The following PLXDC2 variants were observed in gnomAD, a reference collection of about 807,000 sequenced individuals.
PLXDC2 encodes the protein plexin domain-containing protein 2.
Under a neutral mutation model 68.9 loss-of-function variants are expected in PLXDC2, and 40 were observed. The ratio of observed to expected loss-of-function variants is 0.58; its 90% CI spans 0.45 to 0.76. The LOEUF (loss-of-function observed/expected upper bound fraction) is 0.76, where lower values mean the gene tolerates loss of function less well. PLXDC2 is among the 30% of genes least tolerant of loss of function. The probability of loss-of-function intolerance (pLI) is 0.00; values close to 1 mark genes in which losing one functional copy is unlikely to be tolerated. For synonymous variants in PLXDC2, 243 were observed against 234.2 expected, an observed-to-expected ratio of 1.04 and a Z score of -0.34; for missense variants, 644 against 661.9, an observed-to-expected ratio of 0.97 and a Z score of 0.30.
At position 20,217,333 on chromosome 10, in the gene PLXDC2, C is replaced by A. The variant is rs545707486; in HGVS notation, c.1123-93C>A. ...TTATTCCTTGTCTTGATATGAGAGG[C>A]TTTTGTGCTTTACAGCCCAGCTTCT... is the stretch of plus-strand genomic sequence containing the variant. On this transcript the variant is annotated intron_variant, in intron 10 of 13. Coordinates refer to ENST00000377252, the MANE Select transcript of PLXDC2 (RefSeq NM_032812.9). 2.8e-5 allele frequency: 32 copies of A among 1,128,168 alleles called. No individual in the cohort carries two copies. The African/African-American group carries it at 3.9e-4, about 14-fold the overall frequency. 69.9% of individuals were successfully genotyped at this position (1,128,168 alleles called of 1,614,324 possible).
chr10:19,921,541 C>G (rs527747796), intron 1 of PLXDC2, among the ~76,000 whole-genome samples: 47 of 152,304 alleles, frequency 3.1e-4, no homozygotes, highest in African/African-American at 9.6e-4. Flanking sequence ...CTGACTTAGA[C>G]CATGCATCAT....
chr10:19,838,489 C>G (rs564428037), intron 1 of PLXDC2, among the ~76,000 whole-genome samples: 2 of 152,282 alleles, frequency 1.3e-5, no homozygotes, highest in South Asian at 4.1e-4. Context: ...GTAAAACAGA[C>G]AAGTCACTTT....
intron 4 of PLXDC2, among the ~76,000 whole-genome samples, chr10:20,122,302 G>A (rs936018557): frequency 5.3e-5 from 8 of 152,248 alleles, no homozygotes; most frequent in African/African-American, 9.6e-5. Context: ...AAGGTAATGC[G>A]GAGTGAGTAG....
At position 20,245,404 on chromosome 10, in the gene PLXDC2, A is replaced by T. The variant is rs2778979; in HGVS notation, c.1372A>T (p.Ile458Phe). Residue 458 changes from isoleucine (I) to phenylalanine (F), a missense_variant, in exon 13 of 14, where the codon ATT becomes TTT. Physicochemically the swap from Ile to Phe is conservative, Grantham distance 21. Coordinates refer to ENST00000377252, the MANE Select transcript of PLXDC2 (RefSeq NM_032812.9). ...GGGAACCCTCCACGCTGGCCTCATC[A>T]TTGGAATCCTCATCCTGGTCCTCAT... The part of the protein sequence containing the change: ...KGGTLHAGLI[I>F]GILILVLIVA... 1 of 1,613,922 alleles carries T rather than the reference A, an allele frequency of 6.2e-7. No individual in the cohort carries two copies. The highest frequency in any genetic ancestry group is 1.1e-5 in the South Asian group (1 of 91,066).
intron 4 of PLXDC2, among the ~76,000 whole-genome samples, chr10:20,080,953 G>A (rs975982922): frequency 6.6e-6 from 1 of 152,210 alleles, no homozygotes; most frequent in African/African-American, 2.4e-5. Context: ...CTAAGGGTCA[G>A]AAACTCCTGA....
chr10:20,137,020 G>A (rs897107528), intron 4 of PLXDC2, among the ~76,000 whole-genome samples: 8 of 152,094 alleles, frequency 5.3e-5, no homozygotes, highest in Admixed American at 5.2e-4. Flanking sequence ...AAGAACTTTG[G>A]ACCCTCAGGT....
At chr10:19,906,332 CAG>C (rs1833157818) in intron 1 of PLXDC2, among the ~76,000 whole-genome samples, 1 of 152,138 alleles carries the variant, frequency 6.6e-6, no homozygotes. Context: ...CCACAGTACG[CAG>C]GGCCACGTGG....
At chr10:20,271,650 A>G (rs1337850079) in intron 13 of PLXDC2, among the ~76,000 whole-genome samples, 1 of 152,144 alleles carries the variant, frequency 6.6e-6, no homozygotes, top group Non-Finnish European at 1.5e-5. Flanking sequence ...CCCAGAATTG[A>G]TGGTCAGATA....
chr10:19,912,976 G>C (rs1040490992), intron 1 of PLXDC2, among the ~76,000 whole-genome samples: 1 of 152,146 alleles, frequency 6.6e-6, no homozygotes, highest in African/African-American at 2.4e-5. Flanking sequence ...ACAGCTGAAA[G>C]ACTGTTTTCT....
At chr10:19,842,073 CA>C (rs1210388227) in intron 1 of PLXDC2, among the ~76,000 whole-genome samples, 2 of 151,966 alleles carry the variant, frequency 1.3e-5, no homozygotes, top group Non-Finnish European at 2.9e-5. Flanking sequence ...GCCAGGAGTT[CA>C]AGACCAGGTA....
chr10:19,913,548 A>G (rs1045154530), intron 1 of PLXDC2, among the ~76,000 whole-genome samples: 3 of 152,190 alleles, frequency 2.0e-5, no homozygotes, highest in Non-Finnish European at 4.4e-5. Flanking sequence ...TCTTTTATTT[A>G]CAATTATTCG....
Position 20,001,947 on chromosome 10 carries a change from G to C in PLXDC2, c.285G>C (p.Leu95=), listed in dbSNP as rs113279821. The change falls in exon 2 of 14, where the codon CTG becomes CTC. Residue 95 remains leucine, a synonymous_variant. Coordinates refer to ENST00000377252, the MANE Select transcript of PLXDC2 (RefSeq NM_032812.9). ...CTGAGCCCAGAAGCTTCACAGACCT[G>C]CTGCTGGATGATGGGCAGGACAATA... ...DSPEPRSFTD[L]LLDDGQDNNT... The C allele has an allele frequency of 4.3e-6, 7 of 1,612,904 alleles. No homozygotes were observed. In the African/African-American group the frequency reaches 5.3e-5, roughly 12 times the overall value.
Position 20,287,226 on chromosome 10 carries a change from C to T in PLXDC2, c.*7407C>T, listed in dbSNP as rs891476679. 19 of 152,244 alleles carry T rather than the reference C, an allele frequency of 1.2e-4. No individual in the cohort carries two copies. Among genetic ancestry groups the T allele is most frequent in the African/African-American group, 4.3e-4 (18 of 41,532 alleles). 9.4% of individuals were successfully genotyped at this position (152,244 alleles called of 1,614,324 possible). On this transcript the variant is annotated 3_prime_UTR_variant, in exon 14 of 14. Coordinates refer to ENST00000377252, the MANE Select transcript of PLXDC2 (RefSeq NM_032812.9). ...CCCATACCTCTTCTATGGCATTCAT[C>T]CTAACATCATGGAGGCCTTTGTCCT...
intron 7 of PLXDC2, among the ~76,000 whole-genome samples, chr10:20,172,063 A>C: frequency 6.6e-6 from 1 of 152,124 alleles, no homozygotes; most frequent in Non-Finnish European, 1.5e-5. Context: ...ATATCCATGT[A>C]ACAAAATTGC....
At chr10:20,242,162 T>A (rs1280075413) in intron 12 of PLXDC2, among the ~76,000 whole-genome samples, 1 of 152,162 alleles carries the variant, frequency 6.6e-6, no homozygotes, top group Non-Finnish European at 1.5e-5. Context: ...CACTGTGTCA[T>A]ACTCTTATAA....
intron 1 of PLXDC2, among the ~76,000 whole-genome samples, chr10:19,989,397 T>C (rs960763732): frequency 1.2e-4 from 19 of 152,310 alleles, no homozygotes; most frequent in Admixed American, 4.6e-4. Context: ...CAAATTAAAA[T>C]GTTAACAATT....
intron 4 of PLXDC2, among the ~76,000 whole-genome samples, chr10:20,102,244 A>G (rs1163939479): frequency 6.6e-6 from 1 of 152,208 alleles, no homozygotes; most frequent in African/African-American, 2.4e-5. Flanking sequence ...TCTACATTCC[A>G]TGTTATTATT....
At chr10:19,892,810 T>G (rs920649881) in intron 1 of PLXDC2, among the ~76,000 whole-genome samples, 1 of 152,118 alleles carries the variant, frequency 6.6e-6, no homozygotes, top group African/African-American at 2.4e-5. Flanking sequence ...TAAGTCTCAA[T>G]AAGGATTTTG....
intron 2 of PLXDC2, among the ~76,000 whole-genome samples, chr10:20,032,825 A>G (rs961053501): frequency 2.3e-4 from 35 of 151,776 alleles, no homozygotes; most frequent in African/African-American, 7.7e-4. Context: ...TATATAATAT[A>G]TATTATGTGC....
Sources: allele counts gnomAD v4.1 joint callset (sites outside exome capture counted in the v4.1 genomes callset), GRCh38; gene constraint gnomAD v4.1.1; transcripts MANE v1.5; gene names NCBI Gene and HGNC (gene_info 2026-07-23, HGNC 2026-07-21).